Variants in RFX3 observed in about 807,000 individuals in gnomAD.
RFX3 encodes transcription factor RFX3.
Under a neutral mutation model 98.6 loss-of-function variants are expected in RFX3, and 14 were observed. The ratio of observed to expected loss-of-function variants is 0.14; its 90% CI spans 0.09 to 0.22. RFX3 has a LOEUF of 0.22. Among genes scored for constraint, RFX3 ranks in the 10% least tolerant of loss-of-function variants. RFX3 has a pLI of 1.00. For synonymous variants in RFX3, 383 were observed against 328.4 expected, an observed-to-expected ratio of 1.17 and a Z score of -1.80; for missense variants, 639 against 926.9, an observed-to-expected ratio of 0.69 and a Z score of 4.03.
In RFX3 at chr9:3,473,452, C is replaced by T. The variant is rs571341520; in HGVS notation, c.-9+52295G>A. Among the ~76,000 whole-genome samples, 4 of 152,224 alleles carry T rather than the reference C, an allele frequency of 2.6e-5. No individual in the cohort carries two copies. The South Asian group carries it at 6.2e-4, about 24-fold the overall frequency. ...CAGACTAACAAAAGTCTAAAACATG[C>T]GTACTGAATTAGGGGTTATAAAGAT... On this transcript the variant is annotated intron_variant, in intron 1 of 16. Coordinates refer to ENST00000617270, the MANE Select transcript of RFX3 (RefSeq NM_001282116.2).
intron 1 of RFX3, among the ~76,000 whole-genome samples, chr9:3,464,814 G>A (rs906472067): frequency 1.3e-5 from 2 of 152,014 alleles, no homozygotes; most frequent in Admixed American, 1.3e-4. Context: ...TGAAATATAT[G>A]TTGAAGACTT....
intron 13 of RFX3, among the ~76,000 whole-genome samples, chr9:3,261,252 T>C (rs528232227): frequency 1.3e-5 from 2 of 152,202 alleles, no homozygotes; most frequent in South Asian, 4.1e-4. Context: ...TTAGACCTTT[T>C]TAATTTTCCT....
At chr9:3,417,016 T>A (rs574029699) in intron 1 of RFX3, among the ~76,000 whole-genome samples, 3 of 151,860 alleles carry the variant, frequency 2.0e-5, no homozygotes, top group South Asian at 2.1e-4. Flanking sequence ...CACAGATAGA[T>A]TAAAATTAAA....
intron 1 of RFX3, among the ~76,000 whole-genome samples, chr9:3,482,426 T>G (rs1282981696): frequency 6.6e-6 from 1 of 152,158 alleles, no homozygotes; most frequent in Non-Finnish European, 1.5e-5. Context: ...AACATACATA[T>G]TTTTACTTTC....
At chr9:3,483,523 G>A (rs557433190) in intron 1 of RFX3, among the ~76,000 whole-genome samples, 1 of 152,338 alleles carries the variant, frequency 6.6e-6, no homozygotes, top group South Asian at 2.1e-4. Flanking sequence ...AGAGAAACCA[G>A]ATTCTACCTC....
intron 3 of RFX3, among the ~76,000 whole-genome samples, chr9:3,344,337 T>C (rs944089276): frequency 6.6e-6 from 1 of 152,190 alleles, no homozygotes; most frequent in African/African-American, 2.4e-5. Context: ...CATTTTGAAA[T>C]ATTTGCATTA....
chr9:3,282,845 G>C (rs1011802913), intron 7 of RFX3, among the ~76,000 whole-genome samples: 2 of 151,782 alleles, frequency 1.3e-5, no homozygotes, highest in Admixed American at 1.3e-4. Context: ...AAATAAATTA[G>C]TGAGCTTCTT....
At chr9:3,497,431 G>A (rs77669510) in intron 1 of RFX3, among the ~76,000 whole-genome samples, 3,926 of 152,046 alleles carry the variant, frequency 0.026, 123 homozygotes, top group African/African-American at 0.072. Flanking sequence ...TAACCTCGTG[G>A]TGAAACTTCC....
chr9:3,264,369 C>T (rs915986509), intron 12 of RFX3, among the ~76,000 whole-genome samples: 5 of 151,938 alleles, frequency 3.3e-5, no homozygotes, highest in Admixed American at 1.3e-4. Flanking sequence ...ATATAAGGTA[C>T]GAGCAGTTGA....
chr9:3,380,727 T>C (rs940929725), intron 2 of RFX3, among the ~76,000 whole-genome samples: 18 of 152,194 alleles, frequency 1.2e-4, no homozygotes, highest in African/African-American at 4.1e-4. Flanking sequence ...CCAACCAAAA[T>C]GAAGATAGAA....
intron 5 of RFX3, among the ~76,000 whole-genome samples, chr9:3,297,021 AC>A (rs1260797605): frequency 6.6e-6 from 1 of 152,134 alleles, no homozygotes; most frequent in East Asian, 1.9e-4. Flanking sequence ...AGGAAGCATT[AC>A]TTTGACTGTA....
rs569024543 is a variant in RFX3, at chr9:3,218,752, A to C, written c.*6290T>G. 1 of 152,270 alleles carries C rather than the reference A, an allele frequency of 6.6e-6. No individual in the cohort carries two copies. Among genetic ancestry groups the C allele is most frequent in the East Asian group, 1.9e-4 (1 of 5,190 alleles). The allele number at this position is 152,270 out of a possible 1,614,324, so 9.4% of individuals were successfully genotyped here. A position where few individuals can be genotyped will look rare whatever the true frequency, so the allele number is the denominator to read the frequency against. On this transcript the variant is annotated 3_prime_UTR_variant, in exon 17 of 17. Transcript: ENST00000617270. ...AACATTACATTATCTCACACATACA[A>C]TCTCTACAAAAGTTGCTTACCTCAT...
chr9:3,408,038 G>C (rs1413543060), intron 1 of RFX3, among the ~76,000 whole-genome samples: 3 of 152,148 alleles, frequency 2.0e-5, no homozygotes, highest in Non-Finnish European at 4.4e-5. Flanking sequence ...TAAAGGAGTA[G>C]GAATGACTGC....
At chr9:3,499,640 G>C (rs1328569704) in intron 1 of RFX3, among the ~76,000 whole-genome samples, 1 of 152,004 alleles carries the variant, frequency 6.6e-6, no homozygotes, top group Non-Finnish European at 1.5e-5. Context: ...GACATTAAGG[G>C]ACAGCTTCTG....
chr9:3,341,391 A>C (rs1833874777), intron 3 of RFX3, among the ~76,000 whole-genome samples: 2 of 149,368 alleles, frequency 1.3e-5, no homozygotes. Flanking sequence ...GTACCCTAAA[A>C]CTTAAAGTAT....
At chr9:3,360,255 T>C (rs936776859) in intron 2 of RFX3, among the ~76,000 whole-genome samples, 3 of 152,056 alleles carry the variant, frequency 2.0e-5, no homozygotes, top group African/African-American at 7.2e-5. Flanking sequence ...ACAAATATTT[T>C]TCACTACTTT....
At chr9:3,404,886 C>T (rs1187523891) in intron 1 of RFX3, among the ~76,000 whole-genome samples, 4 of 152,136 alleles carry the variant, frequency 2.6e-5, no homozygotes, top group African/African-American at 9.7e-5. Context: ...GAGTTATCTA[C>T]AGTCACTGTC....
At chr9:3,465,211 T>C (rs1299230300) in intron 1 of RFX3, among the ~76,000 whole-genome samples, 1 of 152,140 alleles carries the variant, frequency 6.6e-6, no homozygotes, top group African/African-American at 2.4e-5. Flanking sequence ...CATCTTAGTA[T>C]CTCACTTCTA....
chr9:3,453,478 G>C (rs1453603430), intron 1 of RFX3: 1 of 151,996 alleles, frequency 6.6e-6, no homozygotes, highest in Non-Finnish European at 1.5e-5. Flanking sequence ...GGGAGGCCAA[G>C]GCGGGTGGAT....
Sources: allele counts gnomAD v4.1 joint callset (sites outside exome capture counted in the v4.1 genomes callset), GRCh38; gene constraint gnomAD v4.1.1; transcripts MANE v1.5; gene names NCBI Gene and HGNC (gene_info 2026-07-23, HGNC 2026-07-21).